The following PDE2A variants were observed in gnomAD, a reference collection of about 807,000 sequenced individuals.
PDE2A encodes the protein cGMP-dependent 3',5'-cyclic phosphodiesterase.
In PDE2A, 53 loss-of-function variants were observed where a neutral mutation model predicts 133.6. The ratio of observed to expected loss-of-function variants is 0.40; its 90% CI spans 0.32 to 0.50. The LOEUF is 0.50. PDE2A is among the 20% of genes least tolerant of loss of function. The probability of loss-of-function intolerance (pLI) is 0.73; values close to 1 mark genes in which losing one functional copy is unlikely to be tolerated. For synonymous variants in PDE2A, 491 were observed against 490.2 expected, an observed-to-expected ratio of 1.00 and a Z score of -0.02; for missense variants, 796 against 1,232.4, an observed-to-expected ratio of 0.65 and a Z score of 5.30.
intron 1 of PDE2A, among the ~76,000 whole-genome samples, chr11:72,673,504 C>A (rs1049015853): frequency 6.6e-6 from 1 of 152,112 alleles, no homozygotes; most frequent in Non-Finnish European, 1.5e-5. Context: ...CCCCCCTGCA[C>A]GTGGACACAC....
At chr11:72,627,308 G>T (rs912586482) in intron 2 of PDE2A, among the ~76,000 whole-genome samples, 1 of 152,178 alleles carries the variant, frequency 6.6e-6, no homozygotes, top group Non-Finnish European at 1.5e-5. Flanking sequence ...AGCACCCCGT[G>T]GGGTAACAGG....
chr11:72,591,490 A>AC, intron 6 of PDE2A, 134 bp from the exon 7 acceptor site: 2 of 680,058 alleles, frequency 2.9e-6, no homozygotes. Flanking sequence ...CTCAGTGATA[A>AC]CCCCATCTTT....
At chr11:72,657,872 C>T in intron 1 of PDE2A, 1 of 456,154 alleles carries the variant, frequency 2.2e-6, no homozygotes, top group Middle Eastern at 3.3e-4. Flanking sequence ...CTTGGTCCAA[C>T]TGCAGAGGCA....
chr11:72,611,757 G>A (rs1399315005), intron 2 of PDE2A, among the ~76,000 whole-genome samples: 1 of 152,194 alleles, frequency 6.6e-6, no homozygotes, highest in Admixed American at 6.5e-5. Context: ...AGGGTGTTGG[G>A]TGCAGGAACT....
intron 2 of PDE2A, among the ~76,000 whole-genome samples, chr11:72,627,026 G>C (rs72962119): frequency 0.019 from 2,895 of 152,162 alleles, 72 homozygotes; most frequent in African/African-American, 0.067. Flanking sequence ...TGGCTTCTTC[G>C]GTTGGTGCCC....
Position 72,588,871 on chromosome 11 carries a change from T to A in PDE2A, c.983A>T (p.Gln328Leu). ...GATGACAGGGACACAGAGCATGGCC[T>A]GCAGCTCACAGCCCAACATGCTCTG... The part of the protein sequence containing the change: ...QLQSMLGCEL[Q>L]AMLCVPVISR... Residue 328 changes from glutamine to leucine, a missense_variant, in exon 13 of 31, where the codon CAG (glutamine) becomes CTG (leucine). Around this residue, in one of 7 missense-constraint regions of PDE2A, gnomAD observed 417 missense variants for 475.3 expected, o/e 0.88. Transcript: ENST00000334456. 1 of 1,611,320 alleles carries A rather than the reference T, an allele frequency of 6.2e-7. No homozygotes were observed. The highest frequency in any genetic ancestry group is 8.5e-7 in the Non-Finnish European group (1 of 1,178,164).
chr11:72,655,782 AGT>A (rs1355468847), intron 1 of PDE2A, among the ~76,000 whole-genome samples: 2 of 151,144 alleles, frequency 1.3e-5, no homozygotes, highest in Non-Finnish European at 3.0e-5. Flanking sequence ...TGTTACTGTG[AGT>A]GTGTGTGCCT....
At position 72,583,507 on chromosome 11, in the gene PDE2A, T is replaced by C. The variant is rs367905432; in HGVS notation, c.1659A>G (p.Leu553=). Residue 553 remains leucine (L), a synonymous_variant, in exon 20 of 31, where the codon CTA becomes CTG. Coordinates refer to ENST00000334456, the MANE Select transcript of PDE2A (RefSeq NM_002599.5). ...YCGISIAHSL[L]YKKVNEAQYR... is the part of the protein sequence containing the mutation. ...ACTGAGCCTCATTCACTTTTTTGTA[T>C]AGGAGAGACTAGGGGAAAGAGGGAA... 1.9e-5 allele frequency: 31 copies of C among 1,605,950 alleles called. No individual in the cohort carries two copies. The highest frequency in any genetic ancestry group is 3.3e-4 in the Middle Eastern group (2 of 6,022).
At chr11:72,618,876 A>G (rs1857608887) in intron 2 of PDE2A, among the ~76,000 whole-genome samples, 1 of 144,090 alleles carries the variant, frequency 6.9e-6, no homozygotes, top group Non-Finnish European at 1.5e-5. Context: ...TCCCAACATA[A>G]ACAGCCCACC....
intron 1 of PDE2A, among the ~76,000 whole-genome samples, chr11:72,656,681 G>A (rs375042362): frequency 6.6e-6 from 1 of 151,812 alleles, no homozygotes; most frequent in African/African-American, 2.4e-5. Flanking sequence ...GGCTCTCCTC[G>A]CCTTTCTCGG....
chr11:72,587,806 C>G (rs559622679), intron 13 of PDE2A: 1 of 152,410 alleles, frequency 6.6e-6, no homozygotes, highest in African/African-American at 2.4e-5. Context: ...TCCAGGCCCA[C>G]CCAACTGTCA....
At chr11:72,621,374 A>T (rs1339106894) in intron 2 of PDE2A, among the ~76,000 whole-genome samples, 1 of 152,154 alleles carries the variant, frequency 6.6e-6, no homozygotes. Flanking sequence ...CACTTGAATC[A>T]CATGCAGCCC....
At position 72,581,862 on chromosome 11, in the gene PDE2A, T is replaced by C. The variant is rs1855738507; in HGVS notation, c.1922+15A>G. 1 of 1,612,798 alleles carries C rather than the reference T, an allele frequency of 6.2e-7. No individual in the cohort carries two copies. The highest frequency in any genetic ancestry group is 1.3e-5 in the African/African-American group (1 of 75,010). ...GAGGGAGGCGAAGACTGGGGCTGTC[T>C]GTGGGCGCACGAACCGGGCCAGGGT... is the stretch of plus-strand genomic sequence containing the variant. On this transcript the variant is annotated intron_variant, in intron 22 of 30. Transcript: ENST00000334456.
rs115252137 is a variant in PDE2A at position 72,589,742 on chromosome 11, G to A, written c.873+9C>T. 9.6e-4 allele frequency: 1,554 copies of A among 1,613,480 alleles called. 10 individuals carry two copies. In the African/African-American group the frequency reaches 0.018, roughly 19 times the overall value. On this transcript the variant is annotated intron_variant, in intron 11 of 30. Transcript: ENST00000334456. The stretch of plus-strand genomic sequence containing the variant: ...CAGACTCCAACGAGAAGACAGACGC[G>A]GGACTCACGGGAAAGCTGACCTCTT...
intron 1 of PDE2A, among the ~76,000 whole-genome samples, chr11:72,659,698 A>G (rs1854996128): frequency 6.6e-6 from 1 of 152,076 alleles, no homozygotes; most frequent in African/African-American, 2.4e-5. Context: ...AGAGGAGTGG[A>G]CCATCTTGGC....
intron 11 of PDE2A, 42 bp from the exon 12 acceptor site, chr11:72,589,282 C>G (rs750527489): frequency 6.1e-6 from 9 of 1,473,848 alleles, no homozygotes; most frequent in African/African-American, 2.8e-5. Context: ...CAGTACTCCC[C>G]AGGTCAGGGG....
At chr11:72,584,168 C>CAAAA in intron 19 of PDE2A, 33 bp downstream of exon 19, 30 of 570,548 alleles carry the variant, frequency 5.3e-5, no homozygotes, top group Non-Finnish European at 9.0e-5. Context: ...CGCCCCCTAT[C>CAAAA]ACCCCACACC....
intron 2 of PDE2A, among the ~76,000 whole-genome samples, chr11:72,634,715 C>T (rs1192533427): frequency 1.3e-5 from 2 of 152,258 alleles, no homozygotes; most frequent in African/African-American, 4.8e-5. Context: ...CCAGGCTGGA[C>T]TGTGGCCTTG....
In PDE2A at chr11:72,582,464, G is replaced by A; in HGVS notation, c.1831C>T (p.Pro611Ser). The A allele has an allele frequency of 6.2e-7, 1 of 1,613,926 alleles. No homozygotes were observed. The highest frequency in any genetic ancestry group is 8.5e-7 in the Non-Finnish European group (1 of 1,179,822). Reference protein sequence around the residue: ...ASFTYTPRSLPEDDTSMAILS... With the variant: ...ASFTYTPRSLSEDDTSMAILS... ...CTCACCATGGACGTGTCATCCTCGG[G>A]CAGGGAACGAGGGGTATAGGTGAAA... The change falls in exon 21 of 31, where the codon CCC (proline) becomes TCC (serine). Residue 611 changes from proline to serine, a missense_variant. By Grantham distance (74) the Pro-to-Ser change is moderately conservative. This residue lies in a region of PDE2A where 218 missense variants were observed against 465.9 expected (regional missense o/e 0.47). Coordinates refer to ENST00000334456, the MANE Select transcript of PDE2A (RefSeq NM_002599.5).
Sources: gnomAD v4.1 joint callset for allele counts (sites outside exome capture counted in the v4.1 genomes callset) on GRCh38, gnomAD v4.1.1 for gene constraint, gnomAD v4.1.1 regional missense constraint, MANE v1.5 for transcripts, NCBI Gene and HGNC (gene_info 2026-07-23, HGNC 2026-07-21) for gene names.